The following COMMD1 variants were observed in gnomAD, a reference collection of about 807,000 sequenced individuals.
COMMD1 encodes copper metabolism domain containing 1.
A neutral mutation model predicts 17.2 loss-of-function variants in COMMD1; 10 were observed. That is an observed-to-expected ratio of 0.58 (90% confidence interval 0.36 to 0.99). The LOEUF (loss-of-function observed/expected upper bound fraction) is 0.99, where lower values mean the gene tolerates loss of function less well. Ranked by LOEUF, COMMD1 falls within the 50% of genes least tolerant of loss-of-function variation. The probability of loss-of-function intolerance (pLI) is 0.01; values close to 1 mark genes in which losing one functional copy is unlikely to be tolerated. For missense variants in COMMD1, 270 were observed against 231.8 expected (o/e 1.17, Z -1.07); for synonymous variants, 97 against 91.6 (o/e 1.06, Z -0.34).
At chr2:62,107,966 C>T (rs1015659395) in intron 2 of COMMD1, among the ~76,000 whole-genome samples, 1 of 152,106 alleles carries the variant, frequency 6.6e-6, no homozygotes, top group Non-Finnish European at 1.5e-5. Context: ...ATGCCCTATT[C>T]CTTCTCAAAA....
chr2:61,937,096 G>T (rs1670625058), intron 1 of COMMD1, among the ~76,000 whole-genome samples: 1 of 152,214 alleles, frequency 6.6e-6, no homozygotes, highest in South Asian at 2.1e-4. Flanking sequence ...TCTGGGTTAA[G>T]ATAAGGGGTT....
At chr2:61,983,373 G>A (rs1289081419) in intron 1 of COMMD1, among the ~76,000 whole-genome samples, 1 of 135,930 alleles carries the variant, frequency 7.4e-6, no homozygotes, top group Admixed American at 6.9e-5. Context: ...TGTATTATTA[G>A]TAGAGATGGG....
intron 1 of COMMD1, among the ~76,000 whole-genome samples, chr2:61,907,139 C>G (rs534652057): frequency 6.6e-6 from 1 of 152,136 alleles, no homozygotes; most frequent in African/African-American, 2.4e-5. Flanking sequence ...ACGAGTTTTG[C>G]TTTGTTGCCA....
chr2:61,913,975 T>C (rs1449666031), intron 1 of COMMD1, among the ~76,000 whole-genome samples: 1 of 151,938 alleles, frequency 6.6e-6, no homozygotes, highest in Admixed American at 6.6e-5. Context: ...ATCAAGACCA[T>C]CCTGGCCAAC....
Position 61,914,097 on chromosome 2 carries a change from A to G in COMMD1, c.180+8239A>G, listed in dbSNP as rs1371779204. On this transcript the variant is annotated intron_variant, in intron 1 of 2. Transcript: ENST00000311832. ...TGAGGCAGGAGACTGGCGTGAACCCAGGAGGCGGAGCTTGCAGTGAGCGGA... is the reference window on the plus strand; with the variant it reads ...TGAGGCAGGAGACTGGCGTGAACCCGGGAGGCGGAGCTTGCAGTGAGCGGA... Among the ~76,000 whole-genome samples, 3 of 148,556 alleles carry G rather than the reference A, an allele frequency of 2.0e-5. No homozygotes were observed. The East Asian group carries it at 6.3e-4, about 31-fold the overall frequency.
chr2:61,894,544 T>C (rs1669510961), intron 1 of COMMD1, among the ~76,000 whole-genome samples: 1 of 151,786 alleles, frequency 6.6e-6, no homozygotes, highest in South Asian at 2.1e-4. Context: ...TAATGTGAAA[T>C]GTGACGTAAA....
At chr2:61,952,592 A>G (rs1030101500) in intron 1 of COMMD1, among the ~76,000 whole-genome samples, 2 of 152,210 alleles carry the variant, frequency 1.3e-5, no homozygotes, top group Admixed American at 1.3e-4. Flanking sequence ...ACCAGTCAGC[A>G]GCACTCATTC....
chr2:61,964,453 A>G lies in COMMD1; in HGVS notation c.181-36248A>G, dbSNP rs941757576. On this transcript the variant is annotated intron_variant, in intron 1 of 2. Transcript: ENST00000311832. ...AGTCTCAAATGCCTGGGCTTAAGCA[A>G]TCCGCCCCATTTGGCCTCCCAAAGT... Among the ~76,000 whole-genome samples the G allele has an allele frequency of 2.0e-5, 3 of 152,200 alleles. No individual in the cohort carries two copies. In the East Asian group the frequency reaches 5.8e-4, roughly 30 times the overall value.
At chr2:61,905,973 A>G in intron 1 of COMMD1, 115 bp downstream of exon 1, 1 of 1,004,510 alleles carries the variant, frequency 1.0e-6, no homozygotes, top group Non-Finnish European at 1.5e-6. Context: ...TTTCCCTCTC[A>G]GACCTCCACT....
At chr2:62,028,639 T>C (rs948377671) in intron 2 of COMMD1, among the ~76,000 whole-genome samples, 40 of 152,164 alleles carry the variant, frequency 2.6e-4, no homozygotes, top group Admixed American at 2.2e-3. Flanking sequence ...AGGTTTTTTT[T>C]CCCCAAAAGG....
chr2:62,088,523 C>T (rs1040294203), intron 2 of COMMD1, among the ~76,000 whole-genome samples: 1 of 152,190 alleles, frequency 6.6e-6, no homozygotes, highest in African/African-American at 2.4e-5. Context: ...CATTACTTCT[C>T]TCTCCCTTAT....
chr2:61,979,228 C>T (rs1573025827), intron 1 of COMMD1, among the ~76,000 whole-genome samples: 1 of 152,092 alleles, frequency 6.6e-6, no homozygotes, highest in East Asian at 1.9e-4. Context: ...AATGTAATCC[C>T]AGCACTTTGG....
chr2:62,066,873 G>A (rs1671064537), intron 2 of COMMD1, among the ~76,000 whole-genome samples: 1 of 150,508 alleles, frequency 6.6e-6, no homozygotes, highest in South Asian at 2.1e-4. Flanking sequence ...TTACAGATGT[G>A]CACCACCATG....
chr2:61,927,574 A>G (rs1670360460), intron 1 of COMMD1, among the ~76,000 whole-genome samples: 1 of 151,500 alleles, frequency 6.6e-6, no homozygotes, highest in African/African-American at 2.4e-5. Flanking sequence ...TTTTTTTTGT[A>G]TTTTTAGTAG....
Position 62,000,774 on chromosome 2 carries a change from G to C in COMMD1, c.254G>C (p.Gly85Ala), listed in dbSNP as rs770957209. ...ACTGCTCAAACCAAAAAGCAAGGTG[G>C]GATCACATCTGACCAAGCTGCTGTC... ...FLTAQTKKQG[G>A]ITSDQAAVIS... Residue 85 changes from glycine to alanine, a missense_variant, in exon 2 of 3, where the codon GGG becomes GCG. Gly to Ala is a moderately conservative substitution (Grantham distance 60). Transcript: ENST00000311832. 6.2e-7 allele frequency: 1 copy of C among 1,614,118 alleles called. No individual in the cohort carries two copies. The highest frequency in any genetic ancestry group is 8.5e-7 in the Non-Finnish European group (1 of 1,180,014).
chr2:61,939,358 C>T (rs917976036), intron 1 of COMMD1, among the ~76,000 whole-genome samples: 7 of 150,766 alleles, frequency 4.6e-5, no homozygotes, highest in Admixed American at 2.6e-4. Context: ...CCCAGCTACT[C>T]GGGAGGCTGA....
chr2:61,983,208 G>A (rs1208456017), intron 1 of COMMD1, among the ~76,000 whole-genome samples: 1 of 64,048 alleles, frequency 1.6e-5, no homozygotes, highest in East Asian at 5.0e-4. Context: ...TTTTTTTTTT[G>A]AGATGGAGTC....
intron 1 of COMMD1, chr2:61,888,930 A>C (rs1404892504): frequency 6.8e-6 from 1 of 146,786 alleles, no homozygotes; most frequent in Non-Finnish European, 1.4e-5. Flanking sequence ...TTTTGGATAC[A>C]GTCTCACTCT....
At chr2:61,956,537 G>A (rs1239041431) in intron 1 of COMMD1, among the ~76,000 whole-genome samples, 1 of 151,752 alleles carries the variant, frequency 6.6e-6, no homozygotes, top group East Asian at 1.9e-4. Context: ...AGCCTTGAGA[G>A]TAGCTGGGAT....
Sources: gnomAD v4.1 joint callset for allele counts (sites outside exome capture counted in the v4.1 genomes callset) on GRCh38, gnomAD v4.1.1 for gene constraint, MANE v1.5 for transcripts, NCBI Gene and HGNC (gene_info 2026-07-23, HGNC 2026-07-21) for gene names.